Variants in TCF7L1 observed in about 807,000 individuals in gnomAD.
TCF7L1 encodes transcription factor 7 like 1.
Under a neutral mutation model 63.7 loss-of-function variants are expected in TCF7L1, and 18 were observed. That is an observed-to-expected ratio of 0.28 (90% CI 0.20 to 0.42). TCF7L1 has a LOEUF of 0.42. Among genes scored for constraint, TCF7L1 ranks in the 10% least tolerant of loss-of-function variants. The probability of loss-of-function intolerance (pLI) is 1.00; values close to 1 mark genes in which losing one functional copy is unlikely to be tolerated. For synonymous variants in TCF7L1, 355 were observed against 340.9 expected, an observed-to-expected ratio of 1.04 and a Z score of -0.46; for missense variants, 654 against 779.3, an observed-to-expected ratio of 0.84 and a Z score of 1.91.
chr2:85,302,357 A>G (rs1237193440), intron 4 of TCF7L1, 127 bp from the exon 5 acceptor site: 1 of 1,296,262 alleles, frequency 7.7e-7, no homozygotes, highest in Non-Finnish European at 1.1e-6. Context: ...TCTCTCAGGG[A>G]CTGTTTTGAG....
intron 3 of TCF7L1, among the ~76,000 whole-genome samples, chr2:85,263,279 G>T (rs750062640): frequency 6.8e-6 from 1 of 147,654 alleles, no homozygotes; most frequent in Admixed American, 6.9e-5. Context: ...CACTGAGCAG[G>T]CATCGGGAAC....
chr2:85,287,535 TTTTGTC>T (rs1453102351), intron 4 of TCF7L1, among the ~76,000 whole-genome samples: 2 of 152,204 alleles, frequency 1.3e-5, no homozygotes, highest in Non-Finnish European at 2.9e-5. Context: ...GGGTCCCTTA[TTTTGTC>T]TAAGGGCAGA....
chr2:85,145,069 A>C (rs1370641440), intron 3 of TCF7L1, among the ~76,000 whole-genome samples: 2 of 151,922 alleles, frequency 1.3e-5, no homozygotes, highest in African/African-American at 2.4e-5. Flanking sequence ...TGTTTCAAAA[A>C]AAAAAAAAAA....
intron 3 of TCF7L1, among the ~76,000 whole-genome samples, chr2:85,247,773 G>T (rs1558645577): frequency 6.6e-6 from 1 of 152,138 alleles, no homozygotes; most frequent in Non-Finnish European, 1.5e-5. Flanking sequence ...ATCTTCAGTG[G>T]CTTCCTCTGC....
At chr2:85,238,338 C>T (rs1680241977) in intron 3 of TCF7L1, among the ~76,000 whole-genome samples, 2 of 152,128 alleles carry the variant, frequency 1.3e-5, no homozygotes, top group South Asian at 4.1e-4. Context: ...CAGGGAAGGC[C>T]GTTCTCCAGG....
In TCF7L1 at chr2:85,275,036, C is replaced by T. The variant is rs1028600053; in HGVS notation, c.442-8459C>T. 3.3e-5 allele frequency among the ~76,000 whole-genome samples: 5 copies of T among 152,288 alleles called. 1 individual carries two copies. The highest frequency in any genetic ancestry group is 3.3e-4 in the Admixed American group (5 of 15,304). ...TTCTGAAAGGTGATGTACACAGGCACACAGCTTGTAAGTGGGGTTCAGCTA... is the reference window on the plus strand; with the variant it reads ...TTCTGAAAGGTGATGTACACAGGCATACAGCTTGTAAGTGGGGTTCAGCTA... On this transcript the variant is annotated intron_variant, in intron 3 of 11. Coordinates refer to ENST00000282111, the MANE Select transcript of TCF7L1 (RefSeq NM_031283.3).
intron 3 of TCF7L1, among the ~76,000 whole-genome samples, chr2:85,209,343 C>T (rs764663928): frequency 2.0e-4 from 31 of 152,172 alleles, no homozygotes; most frequent in Admixed American, 4.6e-4. Flanking sequence ...TTGTCCTATT[C>T]GGGTACATGC....
intron 3 of TCF7L1, among the ~76,000 whole-genome samples, chr2:85,187,868 T>A (rs1678959616): frequency 6.6e-6 from 1 of 152,184 alleles, no homozygotes. Context: ...CAAAATAGCC[T>A]CAATCTGGAA....
intron 3 of TCF7L1, among the ~76,000 whole-genome samples, chr2:85,219,073 A>G (rs1410187063): frequency 1.3e-5 from 2 of 152,004 alleles, no homozygotes; most frequent in Admixed American, 1.3e-4. Context: ...GGATGGCTTG[A>G]GCCCAGAAGT....
At chr2:85,163,153 C>T (rs1426150585) in intron 3 of TCF7L1, among the ~76,000 whole-genome samples, 1 of 152,184 alleles carries the variant, frequency 6.6e-6, no homozygotes, top group Non-Finnish European at 1.5e-5. Context: ...CATGCCCAGC[C>T]TCCACCCACA....
At chr2:85,157,400 A>G (rs1421467090) in intron 3 of TCF7L1, among the ~76,000 whole-genome samples, 1 of 152,236 alleles carries the variant, frequency 6.6e-6, no homozygotes. Flanking sequence ...CCCTGCAAGT[A>G]GGAACTGGTT....
chr2:85,236,700 G>A (rs1680200099), intron 3 of TCF7L1, among the ~76,000 whole-genome samples: 2 of 152,098 alleles, frequency 1.3e-5, no homozygotes, highest in South Asian at 4.1e-4. Context: ...GGGGGCAGGG[G>A]CAACATAAGA....
At chr2:85,182,336 C>T (rs1309966383) in intron 3 of TCF7L1, among the ~76,000 whole-genome samples, 1 of 152,122 alleles carries the variant, frequency 6.6e-6, no homozygotes, top group African/African-American at 2.4e-5. Context: ...GCTTCAGACA[C>T]CTTTAACTGA....
At chr2:85,308,615 G>A (rs974034058) in intron 11 of TCF7L1, among the ~76,000 whole-genome samples, 2 of 149,808 alleles carry the variant, frequency 1.3e-5, no homozygotes, top group East Asian at 2.0e-4. Flanking sequence ...ACATAGGAGC[G>A]CACATGAGTG....
At chr2:85,299,530 G>A (rs923285032) in intron 4 of TCF7L1, among the ~76,000 whole-genome samples, 1 of 150,258 alleles carries the variant, frequency 6.7e-6, no homozygotes, top group Non-Finnish European at 1.5e-5. Flanking sequence ...TCCAGCCTGG[G>A]TGACAGAGCA....
chr2:85,288,458 G>A (rs1258312899), intron 4 of TCF7L1, among the ~76,000 whole-genome samples: 2 of 152,156 alleles, frequency 1.3e-5, no homozygotes, highest in Non-Finnish European at 2.9e-5. Context: ...AAGGTTTTTC[G>A]GAGGGAGTCA....
intron 3 of TCF7L1, among the ~76,000 whole-genome samples, chr2:85,182,866 G>A (rs964081187): frequency 6.6e-6 from 1 of 152,188 alleles, no homozygotes. Context: ...GAGGACTTGT[G>A]AAAATACATT....
intron 3 of TCF7L1, among the ~76,000 whole-genome samples, chr2:85,163,017 T>C (rs781352182): frequency 6.6e-6 from 1 of 151,920 alleles, no homozygotes; most frequent in Non-Finnish European, 1.5e-5. Flanking sequence ...CCAGAACCAC[T>C]AAAATAAACA....
intron 3 of TCF7L1, among the ~76,000 whole-genome samples, chr2:85,166,202 C>T (rs1187563430): frequency 6.6e-6 from 1 of 152,162 alleles, no homozygotes; most frequent in Non-Finnish European, 1.5e-5. Flanking sequence ...GGGCTGAGCC[C>T]CAGAGTATTT....
Sources: allele counts gnomAD v4.1 joint callset (sites outside exome capture counted in the v4.1 genomes callset), GRCh38; gene constraint gnomAD v4.1.1; transcripts MANE v1.5; gene names NCBI Gene and HGNC (gene_info 2026-07-23, HGNC 2026-07-21).